NEGR1: variants seen among roughly 807,000 people sequenced by gnomAD.
NEGR1 encodes IgLON family member 4.
NEGR1 carries 10 observed loss-of-function variants against 40.9 expected under a neutral mutation model. The observed-to-expected ratio is 0.24, with a 90% CI of 0.15 to 0.42. The LOEUF (loss-of-function observed/expected upper bound fraction) is 0.42, where lower values mean the gene tolerates loss of function less well. Among genes scored for constraint, NEGR1 ranks in the 10% least tolerant of loss-of-function variants. The pLI is 1.00. For synonymous variants in NEGR1, 185 were observed against 166.8 expected (o/e 1.11, Z -0.84); for missense variants, 352 against 438.9 (o/e 0.80, Z 1.77).
intron 2 of NEGR1, among the ~76,000 whole-genome samples, chr1:71,931,804 T>TCAACTGCCC (rs1035121633): frequency 2.6e-5 from 4 of 152,192 alleles, no homozygotes; most frequent in African/African-American, 9.7e-5. Flanking sequence ...GCAGTGTCTA[T>TCAACTGCCC]ATTTCATGTT....
At chr1:71,965,488 C>T (rs1040595621) in intron 1 of NEGR1, among the ~76,000 whole-genome samples, 1 of 152,064 alleles carries the variant, frequency 6.6e-6, no homozygotes, top group Non-Finnish European at 1.5e-5. Context: ...AATGCAGTGG[C>T]CCTATCAATA....
At chr1:72,160,787 A>C (rs537339561) in intron 1 of NEGR1, among the ~76,000 whole-genome samples, 2 of 152,204 alleles carry the variant, frequency 1.3e-5, no homozygotes, top group Non-Finnish European at 2.9e-5. Flanking sequence ...GCTAGAATTT[A>C]AGATTACCTG....
chr1:72,072,583 T>C (rs1281057010), intron 1 of NEGR1, among the ~76,000 whole-genome samples: 1 of 152,110 alleles, frequency 6.6e-6, no homozygotes, highest in East Asian at 1.9e-4. Context: ...TAAAAGCAAT[T>C]ATATTTCAAT....
chr1:71,951,697 C>A (rs140510883), intron 1 of NEGR1, among the ~76,000 whole-genome samples: 1 of 151,854 alleles, frequency 6.6e-6, no homozygotes, highest in African/African-American at 2.4e-5. Flanking sequence ...ACAGGCATAC[C>A]TCATTTTATT....
intron 1 of NEGR1, among the ~76,000 whole-genome samples, chr1:72,120,898 T>C (rs946795947): frequency 6.6e-6 from 1 of 151,998 alleles, no homozygotes; most frequent in African/African-American, 2.4e-5. Flanking sequence ...TCACATACAA[T>C]GTTGTCATAT....
intron 2 of NEGR1, among the ~76,000 whole-genome samples, chr1:71,924,932 C>G (rs574513477): frequency 5.0e-4 from 76 of 151,172 alleles, no homozygotes; most frequent in African/African-American, 1.7e-3. Flanking sequence ...TCTTATGTGT[C>G]CTAAAGATAG....
rs779795906 is a variant in NEGR1, at chr1:71,611,158, A to G, written c.668-12T>C. ...AATAGTAGGAGCAACTGCAAAAGAA[A>G]CAAACAAACAAATACTAGTAGATAA... On this transcript the variant is annotated splice_polypyrimidine_tract_variant and intron_variant, in intron 4 of 6. Coordinates refer to ENST00000357731, the MANE Select transcript of NEGR1 (RefSeq NM_173808.3). The G allele has an allele frequency of 3.1e-6, 5 of 1,609,040 alleles. No homozygotes were observed. The Admixed American group carries it at 6.7e-5, about 21-fold the overall frequency.
intron 1 of NEGR1, among the ~76,000 whole-genome samples, chr1:72,205,516 C>T (rs571084793): frequency 6.7e-6 from 1 of 149,372 alleles, no homozygotes; most frequent in Non-Finnish European, 1.5e-5. Flanking sequence ...TTATAGTCTT[C>T]TAAGATTTTT....
At chr1:71,793,567 A>C (rs1183917295) in intron 2 of NEGR1, among the ~76,000 whole-genome samples, 8 of 152,028 alleles carry the variant, frequency 5.3e-5, no homozygotes, top group Admixed American at 3.3e-4. Flanking sequence ...AAATATTGCC[A>C]ATTCATTTCA....
chr1:72,180,408 T>G (rs535078686), intron 1 of NEGR1, among the ~76,000 whole-genome samples: 1 of 144,914 alleles, frequency 6.9e-6, no homozygotes, highest in Non-Finnish European at 1.5e-5. Flanking sequence ...GCCATGGAAG[T>G]GATATTTAAA....
intron 1 of NEGR1, among the ~76,000 whole-genome samples, chr1:71,979,645 A>C (rs1646337528): frequency 6.6e-6 from 1 of 152,180 alleles, no homozygotes; most frequent in Non-Finnish European, 1.5e-5. Context: ...ATGAGAGTAA[A>C]TGAAAAGTTT....
chr1:72,199,319 A>C (rs1653118240), intron 1 of NEGR1, among the ~76,000 whole-genome samples: 1 of 152,010 alleles, frequency 6.6e-6, no homozygotes, highest in Non-Finnish European at 1.5e-5. Flanking sequence ...CTTATCTATC[A>C]ACTTGTTTAA....
chr1:71,886,920 T>C (rs1474958693), intron 2 of NEGR1, among the ~76,000 whole-genome samples: 1 of 152,164 alleles, frequency 6.6e-6, no homozygotes, highest in African/African-American at 2.4e-5. Flanking sequence ...AAAATATAAT[T>C]GACCCTTGAG....
intron 6 of NEGR1, among the ~76,000 whole-genome samples, chr1:71,456,268 T>G (rs1646672018): frequency 6.6e-6 from 1 of 152,142 alleles, no homozygotes; most frequent in Non-Finnish European, 1.5e-5. Context: ...TTTTTATGTA[T>G]TTATTTATTT....
intron 1 of NEGR1, among the ~76,000 whole-genome samples, chr1:72,085,174 G>C (rs1648165034): frequency 6.6e-6 from 1 of 152,092 alleles, no homozygotes; most frequent in African/African-American, 2.4e-5. Flanking sequence ...GTTTTTATTA[G>C]ACAGAAATGC....
chr1:72,107,709 C>A (rs1016131596), intron 1 of NEGR1, among the ~76,000 whole-genome samples: 4 of 151,048 alleles, frequency 2.6e-5, no homozygotes, highest in African/African-American at 9.7e-5. Context: ...TGTAGAATGA[C>A]ACAGACTTAA....
intron 1 of NEGR1, among the ~76,000 whole-genome samples, chr1:72,033,482 T>G (rs1313691078): frequency 6.6e-6 from 1 of 152,174 alleles, no homozygotes; most frequent in African/African-American, 2.4e-5. Context: ...ACTATGTATT[T>G]CCATAAACGA....
chr1:71,469,773 A>T (rs1218856797), intron 6 of NEGR1, among the ~76,000 whole-genome samples: 1 of 152,088 alleles, frequency 6.6e-6, no homozygotes, highest in Non-Finnish European at 1.5e-5. Context: ...TTGTGTCCCC[A>T]AATTATTAAA....
chr1:72,013,156 C>T (rs978213702), intron 1 of NEGR1, among the ~76,000 whole-genome samples: 2 of 151,382 alleles, frequency 1.3e-5, no homozygotes, highest in African/African-American at 4.9e-5. Context: ...ATGAATGGAC[C>T]CCAGAGACAA....
Sources: gnomAD v4.1 joint callset for allele counts (sites outside exome capture counted in the v4.1 genomes callset) on GRCh38, gnomAD v4.1.1 for gene constraint, MANE v1.5 for transcripts, NCBI Gene and HGNC (gene_info 2026-07-23, HGNC 2026-07-21) for gene names.